The following YY1 variants were observed in gnomAD, a reference collection of about 807,000 sequenced individuals.
The protein encoded by YY1 is YY1 transcription factor.
In YY1, 2 loss-of-function variants were observed where a neutral mutation model predicts 35.6. That is an observed-to-expected ratio of 0.06 (90% CI 0.02 to 0.18). The LOEUF is 0.18. Among genes scored for constraint, YY1 ranks in the 10% least tolerant of loss-of-function variants. The pLI is 1.00. For missense variants in YY1, 322 were observed against 573.4 expected (o/e 0.56, Z 4.48); for synonymous variants, 268 against 238.9 (o/e 1.12, Z -1.12).
At chr14:100,275,087 G>A (rs899420456) in intron 3 of YY1, among the ~76,000 whole-genome samples, 8 of 152,128 alleles carry the variant, frequency 5.3e-5, no homozygotes, top group African/African-American at 1.9e-4. Flanking sequence ...GGGAATGTAG[G>A]CTTGTAACTG....
intron 2 of YY1, among the ~76,000 whole-genome samples, chr14:100,269,321 T>G (rs180919066): frequency 2.0e-4 from 30 of 152,174 alleles, no homozygotes; most frequent in African/African-American, 7.2e-4. Context: ...TTTTACAGAA[T>G]AAGAAACCGA....
intron 2 of YY1, among the ~76,000 whole-genome samples, chr14:100,269,661 G>A (rs962730844): frequency 1.8e-4 from 28 of 152,122 alleles, no homozygotes; most frequent in African/African-American, 6.3e-4. Flanking sequence ...AATCTTAAAA[G>A]TACCAACGTA....
intron 1 of YY1, among the ~76,000 whole-genome samples, chr14:100,258,839 A>G (rs1177060325): frequency 1.3e-5 from 2 of 152,260 alleles, no homozygotes; most frequent in African/African-American, 2.4e-5. Flanking sequence ...AATTGTATTC[A>G]GTGCTTTTCA....
rs1890688976 is a variant in YY1, at chr14:100,239,440, G to A, written c.196G>A (p.Gly66Arg). The A allele has an allele frequency of 1.3e-6, 2 of 1,591,194 alleles. No homozygotes were observed. The highest frequency in any genetic ancestry group is 8.5e-7 in the Non-Finnish European group (1 of 1,171,446). ...CGACCACGGCGGCGGGGGCGGCCAC[G>A]GGCACGCCGGCCACCACCACCACCA... ...GGDHGGGGGH[G>R]HAGHHHHHHH... The change falls in exon 1 of 5, where the codon GGG (glycine) becomes AGG (arginine). Residue 66 changes from glycine (G) to arginine (R), a missense_variant. By Grantham distance (125) the Gly-to-Arg change is moderately radical. This residue lies in a region of YY1 where 137 missense variants were observed against 167.0 expected (regional missense o/e 0.82). Transcript: ENST00000262238.
intron 1 of YY1, 99 bp downstream of exon 1, chr14:100,240,022 G>T: frequency 8.6e-7 from 1 of 1,167,062 alleles, no homozygotes; most frequent in Non-Finnish European, 1.1e-6. Flanking sequence ...CTTCGCCAGG[G>T]CAAGTATGGC....
Position 100,239,239 on chromosome 14 carries a change from T to C in YY1, c.-6T>C, listed in dbSNP as rs751688683. 2 of 1,515,142 alleles carry C rather than the reference T, an allele frequency of 1.3e-6. No individual in the cohort carries two copies. Among genetic ancestry groups the C allele is most frequent in the Admixed American group, 2.0e-5 (1 of 49,220 alleles). 93.9% of individuals were successfully genotyped at this position (1,515,142 alleles called of 1,614,324 possible). A position where few individuals can be genotyped will look rare whatever the true frequency, so the allele number is the denominator to read the frequency against. ...CGCCGCGGCCGTGGCGGCGGAGCCCTCAGCCATGGCCTCGGGCGACACCCT... is the reference window on the plus strand; with the variant it reads ...CGCCGCGGCCGTGGCGGCGGAGCCCCCAGCCATGGCCTCGGGCGACACCCT... On this transcript the variant is annotated 5_prime_UTR_variant, in exon 1 of 5. Transcript: ENST00000262238.
rs1891358120 is a variant in YY1, at chr14:100,278,434, CAGAA to C, written c.*837_*840del. 1 of 152,534 alleles carries C rather than the reference CAGAA, an allele frequency of 6.6e-6. No homozygotes were observed. The highest frequency in any genetic ancestry group is 1.5e-5 in the Non-Finnish European group (1 of 68,022). The allele number at this position is 152,534 out of a possible 1,614,324, so 9.4% of individuals were successfully genotyped here. The stretch of plus-strand genomic sequence containing the variant: ...CACCTGATGTGTACATCCCATGTAA[CAGAA>C]AGGGCAACAATAAAATAGCAATCCT... On this transcript the variant is annotated 3_prime_UTR_variant, in exon 5 of 5. Coordinates refer to ENST00000262238, the MANE Select transcript of YY1 (RefSeq NM_003403.5).
At chr14:100,267,710 G>C (rs970852668) in intron 2 of YY1, among the ~76,000 whole-genome samples, 1 of 152,144 alleles carries the variant, frequency 6.6e-6, no homozygotes, top group Non-Finnish European at 1.5e-5. Context: ...TTTTAGTAGA[G>C]ACAGGGTTTC....
chr14:100,248,679 CTTTTTTTTTTT>C (rs11415073), intron 1 of YY1, among the ~76,000 whole-genome samples: 1 of 105,014 alleles, frequency 9.5e-6, no homozygotes, highest in Non-Finnish European at 1.9e-5. Flanking sequence ...GAGTAAAATT[CTTTTTTTTTTT>C]TTTTTTTTTT....
At chr14:100,255,672 C>T (rs1052774554) in intron 1 of YY1, among the ~76,000 whole-genome samples, 1 of 152,094 alleles carries the variant, frequency 6.6e-6, no homozygotes, top group African/African-American at 2.4e-5. Flanking sequence ...ATCAAGAGTA[C>T]ACTTATTTTC....
chr14:100,241,427 A>G (rs746064535), intron 1 of YY1, among the ~76,000 whole-genome samples: 4 of 152,176 alleles, frequency 2.6e-5, no homozygotes, highest in Non-Finnish European at 5.9e-5. Context: ...AGATGAGACA[A>G]CTACAGCTGG....
chr14:100,241,347 G>C (rs74820756), intron 1 of YY1, among the ~76,000 whole-genome samples: 13 of 152,110 alleles, frequency 8.5e-5, no homozygotes, highest in Non-Finnish European at 1.9e-4. Context: ...GTTAAAATTC[G>C]GAGGAATGAA....
At chr14:100,241,978 AGG>A (rs5810986) in intron 1 of YY1, among the ~76,000 whole-genome samples, 8,694 of 87,828 alleles carry the variant, frequency 0.099, 594 homozygotes, top group Admixed American at 0.14. Context: ...CTGTCTCAAA[AGG>A]GGGGGGGGGG....
chr14:100,258,904 T>C (rs916045552), intron 1 of YY1, among the ~76,000 whole-genome samples: 1 of 152,240 alleles, frequency 6.6e-6, no homozygotes, highest in African/African-American at 2.4e-5. Flanking sequence ...GGAACCTACG[T>C]TCTATCTTGA....
intron 1 of YY1, among the ~76,000 whole-genome samples, chr14:100,250,202 G>A (rs1890903455): frequency 6.6e-6 from 1 of 152,178 alleles, no homozygotes; most frequent in Non-Finnish European, 1.5e-5. Flanking sequence ...AATGAGACAG[G>A]TACTTAATAA....
chr14:100,239,266 T>A lies in YY1; in HGVS notation c.22T>A (p.Tyr8Asn). The A allele has an allele frequency of 6.3e-7, 1 of 1,575,120 alleles. No individual in the cohort carries two copies. Among genetic ancestry groups the A allele is most frequent in the Non-Finnish European group, 8.6e-7 (1 of 1,163,224 alleles). The change falls in exon 1 of 5, where the codon TAC becomes AAC. Residue 8 changes from tyrosine (Y) to asparagine (N), a missense_variant. Coordinates refer to ENST00000262238, the MANE Select transcript of YY1 (RefSeq NM_003403.5). MASGDTL[Y>N]IATDGSEMPA... Reference sequence around the variant, plus strand: ...AGCCATGGCCTCGGGCGACACCCTCTACATCGCCACGGACGGCTCGGAGAT... The same window carrying A: ...AGCCATGGCCTCGGGCGACACCCTCAACATCGCCACGGACGGCTCGGAGAT...
chr14:100,272,984 G>GGTATTTCC lies in YY1; in HGVS notation c.843-1713_843-1706dup, dbSNP rs370036708. Among the ~76,000 whole-genome samples, 1,157 of 133,766 alleles carry GGTATTTCC rather than the reference G, an allele frequency of 8.6e-3. 7 individuals carry two copies. The highest frequency in any genetic ancestry group is 0.012 in the Non-Finnish European group (796 of 63,784). 87.8% of individuals were successfully genotyped at this position (133,766 alleles called of 152,430 possible). ...TTTTTTGTTTTTTTTTTTTTGAGAC[G>GGTATTTCC]GTATTTCCTTCTTGCCGCCTAGGCT... On this transcript the variant is annotated intron_variant, in intron 2 of 4. Coordinates refer to ENST00000262238, the MANE Select transcript of YY1 (RefSeq NM_003403.5).
intron 1 of YY1, among the ~76,000 whole-genome samples, chr14:100,260,201 C>T (rs557137145): frequency 2.6e-5 from 4 of 151,906 alleles, no homozygotes; most frequent in East Asian, 3.9e-4. Flanking sequence ...CGCAGCCTCC[C>T]GAGTAGCTGG....
chr14:100,259,283 G>A (rs900570628), intron 1 of YY1, among the ~76,000 whole-genome samples: 1 of 152,154 alleles, frequency 6.6e-6, no homozygotes, highest in African/African-American at 2.4e-5. Flanking sequence ...CACTTTGGGA[G>A]GCCAAGGCGG....
Sources: allele counts gnomAD v4.1 joint callset (sites outside exome capture counted in the v4.1 genomes callset), GRCh38; gene constraint gnomAD v4.1.1; regional missense constraint gnomAD v4.1.1; transcripts MANE v1.5; gene names NCBI Gene and HGNC (gene_info 2026-07-23, HGNC 2026-07-21).